The following GGACT variants were observed in gnomAD, a reference collection of about 807,000 sequenced individuals.
The protein encoded by GGACT is gamma-glutamylaminecyclotransferase.
For missense variants in GGACT, 241 were observed against 233.2 expected, an observed-to-expected ratio of 1.03 and a Z score of -0.22; for synonymous variants, 118 against 115.3, an observed-to-expected ratio of 1.02 and a Z score of -0.15.
At position 100,532,378 on chromosome 13, in the gene GGACT, C is replaced by G; in HGVS notation, c.214G>C (p.Glu72Gln). ...TCATCCAGAAAGCGCAGCATCCGCT[C>G]GTCTACCGCGTAGACCTCGCCCTCC... is the stretch of plus-strand genomic sequence containing the variant. The part of the protein sequence containing the change: ...LVEGEVYAVD[E>Q]RMLRFLDDFE... The change falls in exon 3 of 3, where the codon GAG becomes CAG. Residue 72 changes from glutamate (E) to glutamine (Q), a missense_variant. Transcript: ENST00000683975. 2 of 1,550,504 alleles carry G rather than the reference C, an allele frequency of 1.3e-6. No homozygotes were observed. Among genetic ancestry groups the G allele is most frequent in the Non-Finnish European group, 1.7e-6 (2 of 1,146,640 alleles).
chr13:100,558,970 T>G (rs1453971643), intron 2 of GGACT, among the ~76,000 whole-genome samples: 1 of 151,562 alleles, frequency 6.6e-6, no homozygotes, highest in Non-Finnish European at 1.5e-5. Context: ...GGAATTGGGG[T>G]GTAGGGGTGG....
At chr13:100,577,236 T>C (rs1398828186) in intron 2 of GGACT, among the ~76,000 whole-genome samples, 1 of 151,876 alleles carries the variant, frequency 6.6e-6, no homozygotes, top group Admixed American at 6.6e-5. Context: ...GCCAACATGG[T>C]GAAACCCCAT....
chr13:100,584,501 G>A (rs1355181850), intron 1 of GGACT, among the ~76,000 whole-genome samples: 6 of 152,154 alleles, frequency 3.9e-5, no homozygotes, highest in South Asian at 2.1e-4. Flanking sequence ...GGGGTTGGGG[G>A]AAAGCAGAGA....
At chr13:100,563,216 C>A (rs1271545692) in intron 2 of GGACT, among the ~76,000 whole-genome samples, 2 of 152,134 alleles carry the variant, frequency 1.3e-5, no homozygotes, top group Non-Finnish European at 2.9e-5. Flanking sequence ...TCAGAGGGGC[C>A]AGACACATGG....
rs1292577029 is a variant in GGACT, at chr13:100,532,414, C to CCA, written c.177_178insTG (p.Gly60TrpfsTer12). On this transcript the variant is annotated frameshift_variant, in exon 3 of 3. Transcript: ENST00000683975. LOFTEE classifies it low-confidence loss of function (END_TRUNC). ...TAGACCTCGCCCTCCACGAGGCGCC[C>CCA]CGAGCCGGGCAGGTGCAGCAGCCAC... 6.5e-7 allele frequency: 1 copy of CCA among 1,549,994 alleles called. No homozygotes were observed. The highest frequency in any genetic ancestry group is 8.7e-7 in the Non-Finnish European group (1 of 1,146,640).
intron 2 of GGACT, among the ~76,000 whole-genome samples, chr13:100,553,101 A>G (rs903295353): frequency 1.3e-5 from 2 of 152,126 alleles, no homozygotes; most frequent in Non-Finnish European, 2.9e-5. Context: ...CTTCCATGGT[A>G]TCTTATGGAG....
chr13:100,550,437 C>CACACACAT (rs2153014067), intron 2 of GGACT, among the ~76,000 whole-genome samples: 1 of 151,146 alleles, frequency 6.6e-6, no homozygotes, highest in East Asian at 1.9e-4. Flanking sequence ...CACACACACA[C>CACACACAT]ACACACACAC....
intron 2 of GGACT, among the ~76,000 whole-genome samples, chr13:100,544,748 C>T (rs535666519): frequency 2.6e-5 from 4 of 152,314 alleles, no homozygotes; most frequent in African/African-American, 4.8e-5. Context: ...TTTTTCATGC[C>T]ATATCACTTT....
intron 2 of GGACT, chr13:100,539,709 A>T: frequency 1.7e-6 from 1 of 602,562 alleles, no homozygotes; most frequent in Non-Finnish European, 2.9e-6. Context: ...GATGCTCAAC[A>T]CTGAAATGTT....
intron 2 of GGACT, among the ~76,000 whole-genome samples, chr13:100,559,105 G>C (rs1367621202): frequency 1.3e-5 from 2 of 152,166 alleles, no homozygotes; most frequent in African/African-American, 4.8e-5. Flanking sequence ...TCAGAGCACA[G>C]CTCTGATGAT....
At chr13:100,578,047 G>C (rs1875304952) in intron 2 of GGACT, among the ~76,000 whole-genome samples, 1 of 152,182 alleles carries the variant, frequency 6.6e-6, no homozygotes, top group Non-Finnish European at 1.5e-5. Context: ...AAAGGGAAAT[G>C]GATGTTTTCT....
chr13:100,534,607 G>A lies in GGACT; in HGVS notation c.-10-2006C>T, dbSNP rs556594066. On this transcript the variant is annotated intron_variant, in intron 2 of 2. Coordinates refer to ENST00000683975, the MANE Select transcript of GGACT (RefSeq NM_001195087.2). This position sits in a 1 kb window ranked among gnomAD's most constrained non-coding sequence, Gnocchi z 4.9. ...AAAAGACGAGCACCTGGGGGGCGAT[G>A]ATGGTTTGGATCCTGCTGTGCAGCT... Among the ~76,000 whole-genome samples, 27 of 152,242 alleles carry A rather than the reference G, an allele frequency of 1.8e-4. No homozygotes were observed. In the South Asian group the frequency reaches 5.4e-3, roughly 30 times the overall value.
intron 2 of GGACT, among the ~76,000 whole-genome samples, chr13:100,561,744 G>C (rs1011666279): frequency 3.3e-5 from 5 of 152,186 alleles, no homozygotes; most frequent in Non-Finnish European, 7.3e-5. Context: ...ACCCTGGAGG[G>C]GCAGAGGTGC....
At chr13:100,588,602 G>A (rs1253255964) in intron 1 of GGACT, 139 bp downstream of exon 1, 2 of 151,922 alleles carry the variant, frequency 1.3e-5, no homozygotes, top group East Asian at 3.9e-4. Flanking sequence ...TCCCTCACCC[G>A]CGGGGACGCC....
Position 100,535,470 on chromosome 13 carries a change from C to G in GGACT, c.-10-2869G>C, listed in dbSNP as rs78575849. Among the ~76,000 whole-genome samples the G allele has an allele frequency of 2.3e-3, 345 of 152,340 alleles. 5 individuals carry two copies. Among genetic ancestry groups the G allele is most frequent in the Admixed American group, 0.015 (229 of 15,310 alleles). On this transcript the variant is annotated intron_variant, in intron 2 of 2. Transcript: ENST00000683975. ...CAGATCATATAACCTCTCTGTGCCT[C>G]AGCTTCCTCAACTGTAAACTGAAGT...
At chr13:100,533,718 A>G (rs2088451489) in intron 2 of GGACT, 1 of 152,226 alleles carries the variant, frequency 6.6e-6, no homozygotes. Context: ...CCCCGCAGCG[A>G]TCTTGGCTCC....
intron 2 of GGACT, among the ~76,000 whole-genome samples, chr13:100,569,028 C>T (rs890507429): frequency 8.5e-5 from 13 of 152,348 alleles, no homozygotes; most frequent in East Asian, 1.9e-4. Flanking sequence ...TGGGCAGCTC[C>T]GCCCCTATGG....
intron 2 of GGACT, among the ~76,000 whole-genome samples, chr13:100,577,355 G>A (rs1269191292): frequency 6.6e-6 from 1 of 151,678 alleles, no homozygotes; most frequent in Non-Finnish European, 1.5e-5. Flanking sequence ...GGCAGAGGTT[G>A]CAGTGAGCCA....
rs368004609 is a variant in GGACT, at chr13:100,534,902, G to A, written c.-10-2301C>T. 5.2e-4 allele frequency among the ~76,000 whole-genome samples: 79 copies of A among 152,280 alleles called. No homozygotes were observed. The highest frequency in any genetic ancestry group is 1.8e-3 in the African/African-American group (75 of 41,556). ...CCCTCATCCAGGTGGCTCCTGCCCC[G>A]ACCAGCGCCTGACCTGGAGGGTGCA... On this transcript the variant is annotated intron_variant, in intron 2 of 2. Transcript: ENST00000683975. This position sits in a 1 kb window ranked among gnomAD's most constrained non-coding sequence, Gnocchi z 4.9.
Sources: allele counts gnomAD v4.1 joint callset (sites outside exome capture counted in the v4.1 genomes callset), GRCh38; gene constraint gnomAD v4.1.1; non-coding constraint Gnocchi (gnomAD v3.1); transcripts MANE v1.5; gene names NCBI Gene and HGNC (gene_info 2026-07-23, HGNC 2026-07-21).